Variants in KCNQ5 observed in about 807,000 individuals in gnomAD.
KCNQ5 encodes the protein potassium voltage-gated channel subfamily KQT member 5.
A neutral mutation model predicts 98.2 loss-of-function variants in KCNQ5; 30 were observed. That is an observed-to-expected ratio of 0.31 (90% CI 0.23 to 0.41). The LOEUF (loss-of-function observed/expected upper bound fraction) is 0.41. KCNQ5 is among the 10% of genes least tolerant of loss of function. The pLI, the probability that KCNQ5 is intolerant of heterozygous loss-of-function variation, is 1.00. For synonymous variants in KCNQ5, 458 were observed against 449.4 expected (o/e 1.02, Z -0.24); for missense variants, 835 against 1,182.5 (o/e 0.71, Z 4.31).
At chr6:72,627,217 T>C (rs764472422) in intron 1 of KCNQ5, among the ~76,000 whole-genome samples, 10 of 152,208 alleles carry the variant, frequency 6.6e-5, no homozygotes, top group Non-Finnish European at 1.3e-4. Context: ...TATTTAGCTT[T>C]GAAAGCCTCT....
In KCNQ5 at chr6:73,197,928, G is replaced by A. The variant is rs531203048; in HGVS notation, c.*2514G>A. ...ACTGAGGTCTTAATCATAGCAAAAT[G>A]TGATAAACCATGTTGTGAAAAACTT... On this transcript the variant is annotated 3_prime_UTR_variant, in exon 14 of 14. Coordinates refer to ENST00000370398, the MANE Select transcript of KCNQ5 (RefSeq NM_019842.4). 1 of 152,298 alleles carries A rather than the reference G, an allele frequency of 6.6e-6. No individual in the cohort carries two copies. The highest frequency in any genetic ancestry group is 1.9e-4 in the East Asian group (1 of 5,184). The allele number at this position is 152,298 out of a possible 1,614,324, so 9.4% of individuals were successfully genotyped here.
chr6:72,803,738 G>A (rs1247380337), intron 1 of KCNQ5, among the ~76,000 whole-genome samples: 1 of 152,054 alleles, frequency 6.6e-6, no homozygotes, highest in African/African-American at 2.4e-5. Flanking sequence ...TTGGTTCTTT[G>A]ACTAAATACT....
intron 1 of KCNQ5, among the ~76,000 whole-genome samples, chr6:72,639,312 G>A (rs1193573306): frequency 2.0e-5 from 3 of 152,208 alleles, no homozygotes; most frequent in South Asian, 2.1e-4. Context: ...AAGTGAAAAT[G>A]TGTGATGATG....
intron 2 of KCNQ5, among the ~76,000 whole-genome samples, chr6:73,017,939 T>A (rs1770426097): frequency 6.6e-6 from 1 of 151,716 alleles, no homozygotes; most frequent in Non-Finnish European, 1.5e-5. Context: ...CCCCTAGGAG[T>A]GCAGGGCAGT....
chr6:72,786,322 T>C (rs115878938), intron 1 of KCNQ5, among the ~76,000 whole-genome samples: 48 of 152,336 alleles, frequency 3.2e-4, no homozygotes, highest in African/African-American at 1.1e-3. Context: ...AAATTCTTTG[T>C]AGATTCTGGA....
At chr6:72,730,173 T>G (rs1000715812) in intron 1 of KCNQ5, among the ~76,000 whole-genome samples, 10 of 152,046 alleles carry the variant, frequency 6.6e-5, no homozygotes, top group Admixed American at 3.3e-4. Context: ...AAGAAAGAAA[T>G]AATAAATAAA....
chr6:73,168,134 C>T (rs1777874564), intron 10 of KCNQ5, among the ~76,000 whole-genome samples: 1 of 152,138 alleles, frequency 6.6e-6, no homozygotes, highest in South Asian at 2.1e-4. Context: ...CCCGCACCAC[C>T]GCCTGCATTA....
intron 1 of KCNQ5, among the ~76,000 whole-genome samples, chr6:72,851,853 CACA>C (rs568628711): frequency 3.6e-4 from 55 of 151,860 alleles, no homozygotes; most frequent in Admixed American, 1.6e-3. Flanking sequence ...ATACTTTTTC[CACA>C]ACAAGATTTT....
At chr6:72,642,385 T>C (rs1270678516) in intron 1 of KCNQ5, among the ~76,000 whole-genome samples, 1 of 152,078 alleles carries the variant, frequency 6.6e-6, no homozygotes. Context: ...GTTTGTTACA[T>C]AGGTAAACGT....
chr6:73,120,631 A>G (rs763763269), intron 8 of KCNQ5, 54 bp downstream of exon 8: 4 of 1,159,314 alleles, frequency 3.5e-6, no homozygotes, highest in Non-Finnish European at 3.8e-6. Context: ...AAGTCTGTTA[A>G]ACAAACCATA....
chr6:72,872,924 A>G (rs1442790056), intron 1 of KCNQ5, among the ~76,000 whole-genome samples: 1 of 152,058 alleles, frequency 6.6e-6, no homozygotes, highest in Non-Finnish European at 1.5e-5. Context: ...AACCTAAACA[A>G]TCCCTGTGAA....
intron 1 of KCNQ5, among the ~76,000 whole-genome samples, chr6:72,627,094 C>T (rs1196875124): frequency 2.6e-5 from 4 of 152,198 alleles, no homozygotes; most frequent in East Asian, 3.9e-4. Context: ...TTTCCAACCA[C>T]GTTAGATCAG....
Position 73,077,845 on chromosome 6 carries a change from T to C in KCNQ5, c.876T>C (p.Asn292=). The C allele has an allele frequency of 6.2e-7, 1 of 1,612,768 alleles. No individual in the cohort carries two copies. The highest frequency in any genetic ancestry group is 8.5e-7 in the Non-Finnish European group (1 of 1,179,126). ...TCTATCTGGTGGAAAAGGATGCCAA[T>C]AAAGAGTTTTCTACATATGCAGATG... ...FLVYLVEKDA[N]KEFSTYADAL... is the part of the protein sequence containing the mutation. The change falls in exon 5 of 14, where the codon AAT becomes AAC. Residue 292 remains asparagine, a synonymous_variant. Transcript: ENST00000370398.
intron 1 of KCNQ5, among the ~76,000 whole-genome samples, chr6:72,874,723 A>G (rs1230867635): frequency 6.6e-6 from 1 of 152,126 alleles, no homozygotes; most frequent in East Asian, 1.9e-4. Context: ...CAAGAAACTG[A>G]GTGTCACACT....
intron 2 of KCNQ5, among the ~76,000 whole-genome samples, chr6:73,038,772 A>C (rs907324370): frequency 6.6e-5 from 10 of 151,918 alleles, no homozygotes; most frequent in African/African-American, 2.2e-4. Flanking sequence ...TTTGTGTCTA[A>C]GTTTATGATA....
At chr6:73,153,619 A>G (rs1777237741) in intron 10 of KCNQ5, among the ~76,000 whole-genome samples, 2 of 152,088 alleles carry the variant, frequency 1.3e-5, no homozygotes, top group Admixed American at 1.3e-4. Flanking sequence ...GAGCTGAGAG[A>G]GTTTTGAAGA....
chr6:72,951,789 TAG>T (rs1562089411), intron 1 of KCNQ5, among the ~76,000 whole-genome samples: 1 of 152,190 alleles, frequency 6.6e-6, no homozygotes, highest in Non-Finnish European at 1.5e-5. Flanking sequence ...ATTACGTACT[TAG>T]AACAAGGGCA....
Position 72,705,599 on chromosome 6 carries a change from T to TTTGTTG in KCNQ5, c.398+83021_398+83026dup, listed in dbSNP as rs1554146892. 2.6e-3 allele frequency among the ~76,000 whole-genome samples: 393 copies of TTTGTTG among 151,332 alleles called. 2 individuals carry two copies. The highest frequency in any genetic ancestry group is 0.021 in the Middle Eastern group (6 of 292). On this transcript the variant is annotated intron_variant, in intron 1 of 13. Transcript: ENST00000370398. ...TTTTGTTGTTGTTTTTGTTTTTTTTTTTGTTGTTGTTGTTTTGCTAAAGCA... is the reference window on the plus strand; with the variant it reads ...TTTTGTTGTTGTTTTTGTTTTTTTTTTTGTTGTTGTTGTTGTTGTTTTGCTAAAGCA...
chr6:73,031,644 T>C (rs1264610855), intron 2 of KCNQ5, among the ~76,000 whole-genome samples: 1 of 152,192 alleles, frequency 6.6e-6, no homozygotes, highest in African/African-American at 2.4e-5. Context: ...GTGAGTTTTC[T>C]AGTGGTGTGT....
Sources: gnomAD v4.1 joint callset for allele counts (sites outside exome capture counted in the v4.1 genomes callset) on GRCh38, gnomAD v4.1.1 for gene constraint, MANE v1.5 for transcripts, NCBI Gene and HGNC (gene_info 2026-07-23, HGNC 2026-07-21) for gene names.